The following RUNX3 variants were observed in gnomAD, a reference collection of about 807,000 sequenced individuals.
RUNX3 encodes runt-related transcription factor 3.
RUNX3 carries 10 observed loss-of-function variants against 27.7 expected under a neutral mutation model. The observed-to-expected ratio is 0.36, with a 90% CI of 0.22 to 0.61. The LOEUF is 0.61. Ranked by LOEUF, RUNX3 falls within the 20% of genes least tolerant of loss-of-function variation. RUNX3 has a pLI of 0.72. For synonymous variants in RUNX3, 270 were observed against 269.2 expected (o/e 1.00, Z -0.03); for missense variants, 469 against 629.5 (o/e 0.75, Z 2.73).
At chr1:24,920,581 T>C (rs1337527317) in intron 2 of RUNX3, among the ~76,000 whole-genome samples, 1 of 152,142 alleles carries the variant, frequency 6.6e-6, no homozygotes, top group African/African-American at 2.4e-5. Flanking sequence ...TTCATGTTCT[T>C]TTACTTTCCT....
chr1:24,942,935 C>A (rs961159355), intron 2 of RUNX3, among the ~76,000 whole-genome samples: 2 of 152,248 alleles, frequency 1.3e-5, no homozygotes, highest in Non-Finnish European at 1.5e-5. Flanking sequence ...GTGGAGCCAG[C>A]CCGTGGGCAC....
exon 2 of RUNX3, chr1:24,964,569 C>A: frequency 6.2e-7 from 1 of 1,610,602 alleles, no homozygotes; most frequent in East Asian, 2.2e-5. Flanking sequence ...TGTTCGATGC[C>A]ATGCCCCGCT....
chr1:24,907,231 C>T (rs370887615), intron 4 of RUNX3, 28 bp downstream of exon 4: 124 of 1,598,904 alleles, frequency 7.8e-5, no homozygotes, highest in South Asian at 4.2e-4. Context: ...CACCTCACCC[C>T]GCTGCAGCCC....
chr1:24,927,749 G>A lies in RUNX3; in HGVS notation c.283-19C>T, dbSNP rs753739599. 1.5e-4 allele frequency: 236 copies of A among 1,612,820 alleles called. No individual in the cohort carries two copies. Among genetic ancestry groups the A allele is most frequent in the Non-Finnish European group, 1.9e-4 (227 of 1,179,194 alleles). On this transcript the variant is annotated intron_variant, in intron 1 of 4. Coordinates refer to ENST00000308873, the MANE Select transcript of RUNX3 (RefSeq NM_004350.3). This position sits in a 1 kb window ranked among gnomAD's most constrained non-coding sequence, Gnocchi z 5.0. ...CCACCACCTGAAGACACGGGGCGGGGGGATGCAGGGGGACAGCTTAGAAAG... is the reference window on the plus strand; with the variant it reads ...CCACCACCTGAAGACACGGGGCGGGAGGATGCAGGGGGACAGCTTAGAAAG...
At position 24,930,187 on chromosome 1, in the gene RUNX3, G is replaced by A. The variant is rs1321477707; in HGVS notation, c.-319C>T. On this transcript the variant is annotated 5_prime_UTR_variant, in exon 1 of 5. Transcript: ENST00000308873. The surrounding 1 kb of genome is among the most constrained non-coding windows in gnomAD (Gnocchi z 4.1). Reference sequence around the variant, plus strand: ...GGCGGGGCCCGCGCGGGGCTGTGCCGCTGCCGCCGCCTCCCGCCCCGAAGC... The same window carrying A: ...GGCGGGGCCCGCGCGGGGCTGTGCCACTGCCGCCGCCTCCCGCCCCGAAGC... 2.0e-6 allele frequency: 2 copies of A among 978,698 alleles called. No individual in the cohort carries two copies. The highest frequency in any genetic ancestry group is 2.4e-6 in the Non-Finnish European group (2 of 826,730). The allele number at this position is 978,698 out of a possible 1,614,324, so 60.6% of individuals were successfully genotyped here.
chr1:24,954,065 G>A (rs1209735746), intron 2 of RUNX3, among the ~76,000 whole-genome samples: 8 of 152,188 alleles, frequency 5.3e-5, no homozygotes, highest in Non-Finnish European at 8.8e-5. Flanking sequence ...GGCGGGAGCC[G>A]CCATGCCCCA....
Position 24,943,518 on chromosome 1 carries a change from G to A in RUNX3, c.59-13666C>T, listed in dbSNP as rs115839673. Among the ~76,000 whole-genome samples, 1,580 of 152,222 alleles carry A rather than the reference G, an allele frequency of 0.01. 14 individuals carry two copies. The highest frequency in any genetic ancestry group is 0.017 in the Non-Finnish European group (1,144 of 68,010). ...CTTACAGTTGGGGAAACTGAGGCTC[G>A]GCAAGGTTAAGTAGCCTGCCAAACA... On this transcript the variant is annotated intron_variant, in intron 2 of 6. Coordinates refer to the RUNX3 transcript ENST00000338888. This position sits in a 1 kb window ranked among gnomAD's most constrained non-coding sequence, Gnocchi z 4.6.
Position 24,929,328 on chromosome 1 carries a change from C to T in RUNX3, c.282+259G>A, listed in dbSNP as rs1379929411. The stretch of plus-strand genomic sequence containing the variant: ...AAAACCCCATCCGCCCATTTCCGCA[C>T]CAACGTCTCTACGCAAGGCGCCCCA... On this transcript the variant is annotated intron_variant, in intron 1 of 4. Transcript: ENST00000308873. 8.8e-6 allele frequency: 6 copies of T among 684,226 alleles called. No individual in the cohort carries two copies. The South Asian group carries it at 9.0e-5, about 10-fold the overall frequency. 42.4% of individuals were successfully genotyped at this position (684,226 alleles called of 1,614,324 possible).
At chr1:24,964,828 G>T in intron 1 of RUNX3, 1 of 914,566 alleles carries the variant, frequency 1.1e-6, no homozygotes, top group Non-Finnish European at 1.5e-6. Flanking sequence ...GTAAGTTTCT[G>T]TTTGTACCCA....
chr1:24,943,495 T>TA lies in RUNX3; in HGVS notation c.59-13644dup, dbSNP rs1641529312. On this transcript the variant is annotated intron_variant, in intron 2 of 6. Coordinates refer to the RUNX3 transcript ENST00000338888. The surrounding 1 kb of genome is among the most constrained non-coding windows in gnomAD (Gnocchi z 4.6). ...AGGGGGTTCTGTGATCATCCCCACTTACAGTTGGGGAAACTGAGGCTCGGC... is the reference window on the plus strand; with the variant it reads ...AGGGGGTTCTGTGATCATCCCCACTTAACAGTTGGGGAAACTGAGGCTCGGC... Among the ~76,000 whole-genome samples, 1 of 152,170 alleles carries TA rather than the reference T, an allele frequency of 6.6e-6. No individual in the cohort carries two copies. Among genetic ancestry groups the TA allele is most frequent in the Non-Finnish European group, 1.5e-5 (1 of 68,026 alleles).
rs965339053 is a variant in RUNX3, at chr1:24,943,138, C to T, written c.59-13286G>A. On this transcript the variant is annotated intron_variant, in intron 2 of 6. Transcript: ENST00000338888. The surrounding 1 kb of genome is among the most constrained non-coding windows in gnomAD (Gnocchi z 4.6). The stretch of plus-strand genomic sequence containing the variant: ...TCCAGCCACCAGGCGGGACCAGCGC[C>T]GGGCAGACTGCCGGTTTTCCCAGGT... Among the ~76,000 whole-genome samples, 1 of 152,224 alleles carries T rather than the reference C, an allele frequency of 6.6e-6. No individual in the cohort carries two copies. Among genetic ancestry groups the T allele is most frequent in the African/African-American group, 2.4e-5 (1 of 41,462 alleles).
chr1:24,916,456 G>A lies in RUNX3; in HGVS notation c.544+2784C>T, dbSNP rs1264856758. On this transcript the variant is annotated intron_variant, in intron 3 of 4. Coordinates refer to ENST00000308873, the MANE Select transcript of RUNX3 (RefSeq NM_004350.3). This position sits in a 1 kb window ranked among gnomAD's most constrained non-coding sequence, Gnocchi z 4.8. The stretch of plus-strand genomic sequence containing the variant: ...CTTGGGCAAAAGGTTTTGCGCCCTG[G>A]CCTCTATCCTCTCCTGGGGTTGCCC... Among the ~76,000 whole-genome samples the A allele has an allele frequency of 6.6e-6, 1 of 152,214 alleles. No individual in the cohort carries two copies. Among genetic ancestry groups the A allele is most frequent in the African/African-American group, 2.4e-5 (1 of 41,452 alleles).
intron 3 of RUNX3, among the ~76,000 whole-genome samples, chr1:24,913,847 C>T (rs758100719): frequency 3.7e-4 from 56 of 152,316 alleles, no homozygotes; most frequent in Non-Finnish European, 7.5e-4. Context: ...CAGGGTTACC[C>T]CCTTGCCTCC....
chr1:24,950,894 G>A (rs1641743671), intron 2 of RUNX3, among the ~76,000 whole-genome samples: 1 of 152,100 alleles, frequency 6.6e-6, no homozygotes, highest in Non-Finnish European at 1.5e-5. Flanking sequence ...CTGCCAAAGT[G>A]CTTGATGTGC....
In RUNX3 at chr1:24,904,643, C is replaced by T. The variant is rs745554584; in HGVS notation, c.704-1977G>A. On this transcript the variant is annotated intron_variant, in intron 4 of 4. Transcript: ENST00000308873. This position sits in a 1 kb window ranked among gnomAD's most constrained non-coding sequence, Gnocchi z 5.7. ...CCTGATGGGAACCCCATTCTCAAGA[C>T]GAAGGAAACAAATGGGGACCGCAGG... 2.0e-5 allele frequency among the ~76,000 whole-genome samples: 3 copies of T among 152,260 alleles called. No individual in the cohort carries two copies. Among genetic ancestry groups the T allele is most frequent in the East Asian group, 1.9e-4 (1 of 5,170 alleles).
At chr1:24,913,925 G>A (rs781342241) in intron 3 of RUNX3, among the ~76,000 whole-genome samples, 5 of 152,330 alleles carry the variant, frequency 3.3e-5, no homozygotes, top group African/African-American at 9.6e-5. Context: ...ATGATGTGCC[G>A]GGCACTGTGC....
chr1:24,912,229 C>T (rs1415147456), intron 3 of RUNX3, among the ~76,000 whole-genome samples: 5 of 152,228 alleles, frequency 3.3e-5, no homozygotes, highest in Admixed American at 2.6e-4. Context: ...GCACAGTCTG[C>T]TCACTGAGGC....
chr1:24,930,055 C>T lies in RUNX3; in HGVS notation c.-187G>A. ...CGCCAGGGCCCGCCCGCTGCGAGGCCTCGCTGGCCCGACGGCCGCCCGCAG... is the reference window on the plus strand; with the variant it reads ...CGCCAGGGCCCGCCCGCTGCGAGGCTTCGCTGGCCCGACGGCCGCCCGCAG... On this transcript the variant is annotated 5_prime_UTR_variant, in exon 1 of 5. Transcript: ENST00000308873. The surrounding 1 kb of genome is among the most constrained non-coding windows in gnomAD (Gnocchi z 4.1). 1 of 980,744 alleles carries T rather than the reference C, an allele frequency of 1.0e-6. No homozygotes were observed. Among genetic ancestry groups the T allele is most frequent in the Non-Finnish European group, 1.2e-6 (1 of 828,142 alleles). 60.8% of individuals were successfully genotyped at this position (980,744 alleles called of 1,614,324 possible). A position where few individuals can be genotyped will look rare whatever the true frequency, so the allele number is the denominator to read the frequency against.
rs573562275 is a variant in RUNX3 at position 24,902,200 on chromosome 1, G to A, written c.1170C>T (p.Ala390=). 39 of 1,569,666 alleles carry A rather than the reference G, an allele frequency of 2.5e-5. No individual in the cohort carries two copies. The African/African-American group carries it at 3.2e-4, about 13-fold the overall frequency. ...TGGGTGAGTTGCTGTGGCTGCCGTC[G>A]GCCTCCACGCCATCACTCTGGCCGC... The part of the protein sequence containing the change: ...SLGGQSDGVE[A]DGSHSNSPTA... The change falls in exon 5 of 5, where the codon GCC becomes GCT. Residue 390 remains alanine (A), a synonymous_variant. Transcript: ENST00000308873. The surrounding 1 kb of genome is among the most constrained non-coding windows in gnomAD (Gnocchi z 9.2).
Sources: gnomAD v4.1 joint callset for allele counts (sites outside exome capture counted in the v4.1 genomes callset) on GRCh38, gnomAD v4.1.1 for gene constraint, Gnocchi (gnomAD v3.1) non-coding constraint, MANE v1.5 for transcripts, NCBI Gene and HGNC (gene_info 2026-07-23, HGNC 2026-07-21) for gene names.